SF3B1: variants seen among roughly 807,000 people sequenced by gnomAD.
SF3B1 encodes the protein splicing factor 3b subunit 1, also known as pre-mRNA processing 10.
In SF3B1, 12 loss-of-function variants were observed where a neutral mutation model predicts 153.8. That is an observed-to-expected ratio of 0.08 (90% CI 0.05 to 0.13). SF3B1 has a LOEUF of 0.13. Ranked by LOEUF, SF3B1 falls within the 10% of genes least tolerant of loss-of-function variation. The pLI is 1.00. For missense variants in SF3B1, 513 were observed against 1,606.1 expected, an observed-to-expected ratio of 0.32 and a Z score of 11.63; for synonymous variants, 498 against 525.2, an observed-to-expected ratio of 0.95 and a Z score of 0.71.
chr2:197,409,189 C>T (rs557446405), intron 7 of SF3B1, among the ~76,000 whole-genome samples: 5 of 152,108 alleles, frequency 3.3e-5, no homozygotes, highest in African/African-American at 9.6e-5. Flanking sequence ...CATCTGAGGT[C>T]GGGAGTTCGA....
intron 6 of SF3B1, among the ~76,000 whole-genome samples, chr2:197,415,046 T>C (rs558210674): frequency 7.9e-5 from 12 of 151,440 alleles, no homozygotes; most frequent in African/African-American, 2.4e-4. Context: ...TAAAAAGATA[T>C]AGAAACAGGA....
intron 6 of SF3B1, 91 bp downstream of exon 6, chr2:197,416,650 G>T: frequency 2.7e-6 from 3 of 1,101,982 alleles, no homozygotes; most frequent in African/African-American, 1.6e-5. Context: ...CCAGTCTGTG[G>T]TATCTTGCTA....
chr2:197,392,929 A>AC, intron 24 of SF3B1, 43 bp downstream of exon 24: 1 of 848,794 alleles, frequency 1.2e-6, no homozygotes, highest in Non-Finnish European at 1.7e-6. Context: ...AGTATTATTT[A>AC]AAAAAAAAAA....
intron 4 of SF3B1, 88 bp downstream of exon 4, chr2:197,420,340 A>T: frequency 1.0e-6 from 1 of 965,064 alleles, no homozygotes; most frequent in Non-Finnish European, 1.6e-6. Flanking sequence ...AAGCAAATTC[A>T]GAAGCATGCC....
chr2:197,420,286 C>T (rs537713518), intron 4 of SF3B1, 142 bp downstream of exon 4: 135 of 535,562 alleles, frequency 2.5e-4, no homozygotes, highest in African/African-American at 2.2e-3. Context: ...GTGACTTCAA[C>T]CACATCTATA....
chr2:197,408,047 C>T lies in SF3B1; in HGVS notation c.1190G>A (p.Arg397His), dbSNP rs2085017867. The change falls in exon 9 of 25, where the codon CGC becomes CAC. Residue 397 changes from arginine (R) to histidine (H), a missense_variant. Transcript: ENST00000335508. ...ATCTAATTCCTCATCAGAAAGTGGGCGATTTCTCTCATCAATTTCTCTTTC... is the reference window on the plus strand; with the variant it reads ...ATCTAATTCCTCATCAGAAAGTGGGTGATTTCTCTCATCAATTTCTCTTTC... ...RWEREIDERN[R>H]PLSDEELDAM... The T allele has an allele frequency of 6.2e-7, 1 of 1,613,022 alleles. No homozygotes were observed. The highest frequency in any genetic ancestry group is 8.5e-7 in the Non-Finnish European group (1 of 1,179,194).
chr2:197,415,553 C>T (rs1411299940), intron 6 of SF3B1, among the ~76,000 whole-genome samples: 6 of 152,080 alleles, frequency 3.9e-5, no homozygotes, highest in East Asian at 3.9e-4. Context: ...CGCACCCAGC[C>T]GCTTTATTTT....
intron 6 of SF3B1, among the ~76,000 whole-genome samples, chr2:197,411,836 G>A (rs2085073054): frequency 6.6e-6 from 1 of 151,814 alleles, no homozygotes; most frequent in Admixed American, 6.6e-5. Flanking sequence ...GGTGGTTCAT[G>A]CCTGTAATCC....
At chr2:197,408,710 T>G in intron 7 of SF3B1, 129 bp from the exon 8 acceptor site, 1 of 696,602 alleles carries the variant, frequency 1.4e-6, no homozygotes, top group Non-Finnish European at 2.4e-6. Flanking sequence ...GTGACCCATT[T>G]AAAGTTGTTT....
In SF3B1 at chr2:197,402,876, T is replaced by TC; in HGVS notation, c.1807-51dup. 6.2e-7 allele frequency: 1 copy of TC among 1,610,638 alleles called. No individual in the cohort carries two copies. The highest frequency in any genetic ancestry group is 2.2e-5 in the East Asian group (1 of 44,860). ...AGTCATGAGTTGGTAATATTAATCT[T>TC]CAACCATTTCTTTCCATAATCAATT... On this transcript the variant is annotated intron_variant, in intron 13 of 24. Transcript: ENST00000335508. The surrounding 1 kb of genome is among the most constrained non-coding windows in gnomAD (Gnocchi z 4.6).
chr2:197,409,128 G>C (rs183959098), intron 7 of SF3B1, among the ~76,000 whole-genome samples: 3 of 152,090 alleles, frequency 2.0e-5, no homozygotes, highest in African/African-American at 7.2e-5. Context: ...GGCCGGAAGC[G>C]GTGGCTCATG....
intron 1 of SF3B1, among the ~76,000 whole-genome samples, chr2:197,424,772 G>A (rs968074213): frequency 3.3e-5 from 5 of 152,158 alleles, no homozygotes; most frequent in African/African-American, 7.2e-5. Context: ...AAATAGTTTC[G>A]ATTGCAAAAG....
intron 7 of SF3B1, among the ~76,000 whole-genome samples, chr2:197,409,140 C>T (rs561036937): frequency 6.6e-6 from 1 of 152,114 alleles, no homozygotes; most frequent in Non-Finnish European, 1.5e-5. Flanking sequence ...TGGCTCATGC[C>T]TGTAATCCCA....
intron 5 of SF3B1, 73 bp downstream of exon 5, chr2:197,418,436 C>A: frequency 8.8e-7 from 1 of 1,136,324 alleles, no homozygotes; most frequent in Non-Finnish European, 1.3e-6. Context: ...AAAAAAGAAA[C>A]CTAACAGTCT....
chr2:197,426,672 C>T (rs538994062), intron 1 of SF3B1, among the ~76,000 whole-genome samples: 1 of 152,112 alleles, frequency 6.6e-6, no homozygotes, highest in Non-Finnish European at 1.5e-5. Context: ...AAAGGTAGAA[C>T]CTTAGGTCTT....
intron 5 of SF3B1, 35 bp from the exon 6 acceptor site, chr2:197,416,946 C>T (rs1204349922): frequency 6.3e-7 from 1 of 1,583,508 alleles, no homozygotes; most frequent in South Asian, 1.1e-5. Flanking sequence ...CTTTAAAATG[C>T]TTTCAATGTA....
chr2:197,404,251 G>C (rs1279039941), intron 11 of SF3B1, among the ~76,000 whole-genome samples: 1 of 152,100 alleles, frequency 6.6e-6, no homozygotes. Flanking sequence ...ACTGAGGCAG[G>C]AGGATCTCTT....
chr2:197,418,908 T>C (rs368295108), intron 4 of SF3B1: 2 of 1,597,438 alleles, frequency 1.3e-6, no homozygotes, highest in Admixed American at 1.7e-5. Flanking sequence ...TTTCGTGCCT[T>C]TGTCTCCATC....
chr2:197,412,970 CAAAAAAAAAA>C (rs779446735), intron 6 of SF3B1, among the ~76,000 whole-genome samples: 2 of 45,486 alleles, frequency 4.4e-5, no homozygotes, highest in African/African-American at 6.6e-5. Flanking sequence ...ACTGTTGTCT[CAAAAAAAAAA>C]AAAAAAAAAA....
Sources: allele counts gnomAD v4.1 joint callset (sites outside exome capture counted in the v4.1 genomes callset), GRCh38; gene constraint gnomAD v4.1.1; non-coding constraint Gnocchi (gnomAD v3.1); transcripts MANE v1.5; gene names NCBI Gene and HGNC (gene_info 2026-07-23, HGNC 2026-07-21).